The following SUSD4 variants were observed in gnomAD, a reference collection of about 807,000 sequenced individuals.
SUSD4 encodes the protein sushi domain containing 4.
SUSD4 carries 41 observed loss-of-function variants against 50.5 expected under a neutral mutation model. The ratio of observed to expected loss-of-function variants is 0.81; its 90% confidence interval spans 0.63 to 1.05. The LOEUF (loss-of-function observed/expected upper bound fraction) is 1.05, where lower values mean the gene tolerates loss of function less well. SUSD4 is among the 50% of genes least tolerant of loss of function. The probability of loss-of-function intolerance (pLI) is 0.00; values close to 1 mark genes in which losing one functional copy is unlikely to be tolerated. For synonymous variants in SUSD4, 257 were observed against 257.3 expected (o/e 1.00, Z 0.01); for missense variants, 580 against 634.7 (o/e 0.91, Z 0.93).
intron 3 of SUSD4, among the ~76,000 whole-genome samples, chr1:223,279,812 G>A (rs200326020): frequency 0.44 from 66,109 of 151,562 alleles, 14,999 homozygotes; most frequent in African/African-American, 0.57. Flanking sequence ...TGAAATGAAG[G>A]AAAAAATGTT....
intron 2 of SUSD4, among the ~76,000 whole-genome samples, chr1:223,319,945 G>A (rs1202774812): frequency 3.3e-5 from 5 of 152,312 alleles, no homozygotes; most frequent in Admixed American, 2.0e-4. Flanking sequence ...TTATTAGGAA[G>A]GTGGTCTTGG....
chr1:223,222,888 A>G (rs1659220801), intron 8 of SUSD4, among the ~76,000 whole-genome samples: 1 of 152,206 alleles, frequency 6.6e-6, no homozygotes, highest in African/African-American at 2.4e-5. Context: ...CACTTCCAGG[A>G]GTCCTATCTA....
chr1:223,353,293 C>A (rs564821166), intron 2 of SUSD4, among the ~76,000 whole-genome samples: 4 of 152,302 alleles, frequency 2.6e-5, no homozygotes, highest in African/African-American at 7.2e-5. Context: ...CTGTGCAGAG[C>A]ATCCCTTACC....
chr1:223,225,865 T>C (rs548990969), intron 7 of SUSD4, among the ~76,000 whole-genome samples: 7 of 152,146 alleles, frequency 4.6e-5, no homozygotes, highest in Non-Finnish European at 8.8e-5. Context: ...GGCTCTACTC[T>C]TGTGGAACCT....
chr1:223,281,718 A>G (rs906983421), intron 3 of SUSD4, among the ~76,000 whole-genome samples: 7 of 152,136 alleles, frequency 4.6e-5, no homozygotes, highest in Non-Finnish European at 8.8e-5. Context: ...AAAAGAGGGA[A>G]TCCTCCCTAA....
At chr1:223,323,041 G>A (rs1188688426) in intron 2 of SUSD4, among the ~76,000 whole-genome samples, 1 of 152,106 alleles carries the variant, frequency 6.6e-6, no homozygotes, top group Non-Finnish European at 1.5e-5. Context: ...GGCCCTTCCA[G>A]TTTCGCCTTT....
intron 5 of SUSD4, 37 bp downstream of exon 5, chr1:223,264,593 T>C: frequency 3.7e-6 from 6 of 1,609,366 alleles, no homozygotes; most frequent in Non-Finnish European, 5.1e-6. Flanking sequence ...CCTTTAATAA[T>C]ACAAAATACA....
intron 2 of SUSD4, among the ~76,000 whole-genome samples, chr1:223,353,060 C>T (rs1039351030): frequency 3.3e-5 from 5 of 152,304 alleles, no homozygotes; most frequent in South Asian, 4.2e-4. Flanking sequence ...AGGAGCTGAC[C>T]GGGCTTGGGC....
chr1:223,326,461 A>G (rs906956621), intron 2 of SUSD4, among the ~76,000 whole-genome samples: 1 of 152,198 alleles, frequency 6.6e-6, no homozygotes, highest in Admixed American at 6.5e-5. Flanking sequence ...CTAAGACCCC[A>G]AAAGCAAATG....
At chr1:223,300,627 C>T (rs1665128428) in intron 2 of SUSD4, among the ~76,000 whole-genome samples, 2 of 152,204 alleles carry the variant, frequency 1.3e-5, no homozygotes, top group South Asian at 2.1e-4. Flanking sequence ...CTGTAAACTG[C>T]TATATGAGGC....
At chr1:223,363,201 A>C in intron 2 of SUSD4, 77 bp downstream of exon 2, 1 of 1,405,280 alleles carries the variant, frequency 7.1e-7, no homozygotes, top group Admixed American at 2.8e-5. Context: ...GGAGGGGTGC[A>C]GGGCTGTCCT....
chr1:223,252,337 G>A (rs769632613), intron 5 of SUSD4, among the ~76,000 whole-genome samples: 5 of 151,662 alleles, frequency 3.3e-5, no homozygotes, highest in Non-Finnish European at 4.4e-5. Flanking sequence ...TGTGATGACC[G>A]AGGCAGAGGC....
intron 4 of SUSD4, 46 bp downstream of exon 4, chr1:223,268,456 C>G (rs374276303): frequency 6.4e-7 from 1 of 1,574,734 alleles, no homozygotes. Context: ...CAATAAAGTC[C>G]GAGAGAATAA....
rs1419364798 is a variant in SUSD4 at position 223,229,462 on chromosome 1, T to G, written c.725-74A>C. On this transcript the variant is annotated intron_variant, in intron 5 of 8. Transcript: ENST00000366878. This position sits in a 1 kb window ranked among gnomAD's most constrained non-coding sequence, Gnocchi z 4.7. ...TGTCTGAAGCCCCTAAGACGAAGAA[T>G]GGCCTAGGAGAACTCAGTTAAAAAT... The G allele has an allele frequency of 7.1e-7, 1 of 1,414,242 alleles. No individual in the cohort carries two copies. Among genetic ancestry groups the G allele is most frequent in the Non-Finnish European group, 9.6e-7 (1 of 1,040,984 alleles). The allele number at this position is 1,414,242 out of a possible 1,614,324, so 87.6% of individuals were successfully genotyped here.
chr1:223,323,326 C>A (rs1222525855), intron 2 of SUSD4, among the ~76,000 whole-genome samples: 1 of 152,106 alleles, frequency 6.6e-6, no homozygotes, highest in Non-Finnish European at 1.5e-5. Flanking sequence ...TTTTCTGCAT[C>A]CCTTTGAGAT....
rs1192325388 is a variant in SUSD4 at position 223,268,657 on chromosome 1, A to G, written c.380T>C (p.Ile127Thr). 31 of 1,612,326 alleles carry G rather than the reference A, an allele frequency of 1.9e-5. No individual in the cohort carries two copies. Among genetic ancestry groups the G allele is most frequent in the Non-Finnish European group, 2.5e-5 (30 of 1,179,426 alleles). Reference protein sequence around the residue: ...CVQEDCRIPQIEDAEIHNKTY... With the variant: ...CVQEDCRIPQTEDAEIHNKTY... Reference sequence around the variant, plus strand: ...CTTGTTATGAATCTCAGCATCTTCGATTTGAGGGATACGGCAATCTGCAAT... The same window carrying G: ...CTTGTTATGAATCTCAGCATCTTCGGTTTGAGGGATACGGCAATCTGCAAT... The change falls in exon 4 of 9, where the codon ATC becomes ACC. Residue 127 changes from isoleucine (I) to threonine (T), a missense_variant. By Grantham distance (89) the Ile-to-Thr change is moderately conservative (BLOSUM62 -1). Transcript: ENST00000366878.
chr1:223,252,417 G>A (rs936540279), intron 5 of SUSD4, among the ~76,000 whole-genome samples: 3 of 151,608 alleles, frequency 2.0e-5, no homozygotes, highest in Non-Finnish European at 4.4e-5. Context: ...GTTGGGGATC[G>A]TTATGCTCCA....
At chr1:223,347,706 T>C (rs1282589580) in intron 2 of SUSD4, among the ~76,000 whole-genome samples, 1 of 72,842 alleles carries the variant, frequency 1.4e-5, no homozygotes, top group Non-Finnish European at 2.9e-5. Flanking sequence ...ATCCATGAAA[T>C]AATTAATCTA....
chr1:223,283,654 A>G (rs1663922672), intron 3 of SUSD4, among the ~76,000 whole-genome samples: 1 of 152,254 alleles, frequency 6.6e-6, no homozygotes, highest in Non-Finnish European at 1.5e-5. Context: ...TAGTTCAACC[A>G]TTGTGGAAGT....
Sources: allele counts gnomAD v4.1 joint callset (sites outside exome capture counted in the v4.1 genomes callset), GRCh38; gene constraint gnomAD v4.1.1; non-coding constraint Gnocchi (gnomAD v3.1); transcripts MANE v1.5; gene names NCBI Gene and HGNC (gene_info 2026-07-23, HGNC 2026-07-21).